Variants in SLC35F2 observed in about 807,000 individuals in gnomAD.
The protein encoded by SLC35F2 is solute carrier family 35 member F2.
In SLC35F2, 25 loss-of-function variants were observed where a neutral mutation model predicts 38.1. That is an observed-to-expected ratio of 0.66 (90% confidence interval 0.48 to 0.92). The LOEUF is 0.92. SLC35F2 is among the 40% of genes least tolerant of loss of function. The pLI is 0.00. For synonymous variants in SLC35F2, 173 were observed against 181.7 expected, an observed-to-expected ratio of 0.95 and a Z score of 0.38; for missense variants, 409 against 452.9, an observed-to-expected ratio of 0.90 and a Z score of 0.88.
At position 107,792,235 on chromosome 11, in the gene SLC35F2, C is replaced by T. The variant is rs535259223; in HGVS notation, c.*380G>A. 13 of 165,654 alleles carry T rather than the reference C, an allele frequency of 7.8e-5. No homozygotes were observed. In the East Asian group the frequency reaches 2.3e-3, roughly 29 times the overall value. The allele number at this position is 165,654 out of a possible 1,614,324, so 10.3% of individuals were successfully genotyped here. On this transcript the variant is annotated 3_prime_UTR_variant, in exon 8 of 8. Transcript: ENST00000525815. ...ACTCCAGAGCCACCGTGAGCTGCCC[C>T]TGTTCCTGACCACCAAGCCCAGCCT... is the stretch of plus-strand genomic sequence containing the variant.
At position 107,792,320 on chromosome 11, in the gene SLC35F2, C is replaced by G. The variant is rs914891373; in HGVS notation, c.*295G>C. 7.7e-6 allele frequency: 2 copies of G among 260,486 alleles called. No homozygotes were observed. The highest frequency in any genetic ancestry group is 1.1e-4 in the Admixed American group (2 of 17,630). The allele number at this position is 260,486 out of a possible 1,614,324, so 16.1% of individuals were successfully genotyped here. ...GCTCAGTCCTGGATCTCTCCCCAGT[C>G]CTGCTTTCCCACTGGTGCCTCTAAG... On this transcript the variant is annotated 3_prime_UTR_variant, in exon 8 of 8. Coordinates refer to ENST00000525815, the MANE Select transcript of SLC35F2 (RefSeq NM_017515.5).
chr11:107,804,064 C>A (rs1442024137), intron 6 of SLC35F2, among the ~76,000 whole-genome samples: 2 of 151,144 alleles, frequency 1.3e-5, no homozygotes, highest in African/African-American at 4.9e-5. Context: ...TCTCGAACTC[C>A]TGACCTCATG....
At chr11:107,820,830 C>A (rs1859657452) in intron 1 of SLC35F2, among the ~76,000 whole-genome samples, 1 of 152,146 alleles carries the variant, frequency 6.6e-6, no homozygotes, top group Admixed American at 6.5e-5. Context: ...GTGGCAGGCG[C>A]CTGTAATCCC....
chr11:107,802,051 C>T (rs1305013414), intron 7 of SLC35F2, among the ~76,000 whole-genome samples: 1 of 151,978 alleles, frequency 6.6e-6, no homozygotes, highest in African/African-American at 2.4e-5. Context: ...CCAGCCTGGC[C>T]AACATGGTGA....
At position 107,803,776 on chromosome 11, in the gene SLC35F2, A is replaced by AAC. The variant is rs71047623; in HGVS notation, c.785-623_785-622dup. On this transcript the variant is annotated intron_variant, in intron 6 of 7. Transcript: ENST00000525815. ...ACTTCTTTAATCTCATCCCATACTC[A>AAC]ACACACACACACACACACACACACT... 5.9e-3 allele frequency among the ~76,000 whole-genome samples: 889 copies of AAC among 149,578 alleles called. 9 individuals are homozygous for AAC. The highest frequency in any genetic ancestry group is 0.02 in the African/African-American group (788 of 40,356).
At chr11:107,812,133 T>C (rs1335289286) in intron 2 of SLC35F2, among the ~76,000 whole-genome samples, 1 of 152,138 alleles carries the variant, frequency 6.6e-6, no homozygotes, top group Non-Finnish European at 1.5e-5. Context: ...CTTGAACTCC[T>C]GAGCTCAAGT....
In SLC35F2 at chr11:107,821,373, G is replaced by C. The variant is rs371704708; in HGVS notation, c.111-5408C>G. 203 of 976,150 alleles carry C rather than the reference G, an allele frequency of 2.1e-4. 2 individuals carry two copies. The African/African-American group carries it at 3.3e-3, about 16-fold the overall frequency. The allele number at this position is 976,150 out of a possible 1,614,324, so 60.5% of individuals were successfully genotyped here. ...CACAAATTGAGTATGGAGATTTAAA[G>C]TTACAGGAATGCACTTCTCTTGGCT... On this transcript the variant is annotated intron_variant, in intron 1 of 7. Coordinates refer to ENST00000525815, the MANE Select transcript of SLC35F2 (RefSeq NM_017515.5).
chr11:107,834,416 T>C (rs1859898029), intron 1 of SLC35F2, among the ~76,000 whole-genome samples: 1 of 152,084 alleles, frequency 6.6e-6, no homozygotes. Context: ...TTTGGGAGGC[T>C]AAGGTGGGTG....
intron 1 of SLC35F2, among the ~76,000 whole-genome samples, chr11:107,851,696 C>G (rs1272151382): frequency 6.6e-6 from 1 of 151,920 alleles, no homozygotes; most frequent in African/African-American, 2.4e-5. Context: ...ATGTAACAAT[C>G]AGAATATACA....
At chr11:107,817,258 A>G (rs939413071) in intron 1 of SLC35F2, among the ~76,000 whole-genome samples, 1 of 152,046 alleles carries the variant, frequency 6.6e-6, no homozygotes, top group Admixed American at 6.6e-5. Flanking sequence ...CCTGGGTGAC[A>G]GAATGAGACG....
intron 7 of SLC35F2, 125 bp downstream of exon 7, chr11:107,802,876 G>C (rs1859333082): frequency 1.1e-6 from 1 of 923,260 alleles, no homozygotes; most frequent in Admixed American, 3.1e-5. Context: ...AGGGAGGCCT[G>C]ACCAATGAAA....
chr11:107,853,239 C>A (rs1202071193), intron 1 of SLC35F2, among the ~76,000 whole-genome samples: 2 of 152,210 alleles, frequency 1.3e-5, no homozygotes, highest in Non-Finnish European at 2.9e-5. Context: ...CCCTGGTAGA[C>A]TTGGTCTCTG....
At chr11:107,809,836 C>A (rs1380341485) in intron 3 of SLC35F2, 1 of 985,096 alleles carries the variant, frequency 1.0e-6, no homozygotes, top group East Asian at 1.1e-4. Flanking sequence ...TAACCTTTGA[C>A]AATGAGGGGA....
At chr11:107,811,014 A>G (rs1591190646) in intron 3 of SLC35F2, 1 of 985,172 alleles carries the variant, frequency 1.0e-6, no homozygotes, top group Non-Finnish European at 1.2e-6. Context: ...CTGGCATTTG[A>G]GTCTATCTCA....
chr11:107,804,266 C>A (rs1859361596), intron 6 of SLC35F2, among the ~76,000 whole-genome samples: 2 of 152,154 alleles, frequency 1.3e-5, no homozygotes, highest in Non-Finnish European at 2.9e-5. Flanking sequence ...ACTGTCCCAT[C>A]ACCATTTTCT....
chr11:107,811,641 A>G, intron 3 of SLC35F2, 26 bp downstream of exon 3: 3 of 1,575,184 alleles, frequency 1.9e-6, no homozygotes, highest in Non-Finnish European at 2.6e-6. Flanking sequence ...TATAAAATCC[A>G]AAGTGGTCAG....
Position 107,815,841 on chromosome 11 carries a change from T to C in SLC35F2, c.235A>G (p.Asn79Asp). ...VNTPMLQSFI[N>D]YCLLFLIYTV... ...TAAATTAGGAACAGCAAGCAATAAT[T>C]GATAAAGCTCTGAAGCATGGGGGTG... is the stretch of plus-strand genomic sequence containing the variant. Residue 79 changes from asparagine to aspartate, a missense_variant, in exon 2 of 8, where the codon AAT becomes GAT. Asn to Asp is a conservative substitution (Grantham distance 23). Transcript: ENST00000525815. 6.2e-7 allele frequency: 1 copy of C among 1,613,838 alleles called. No homozygotes were observed. The highest frequency in any genetic ancestry group is 8.5e-7 in the Non-Finnish European group (1 of 1,179,936).
At chr11:107,830,577 C>CA (rs1326644558) in intron 1 of SLC35F2, among the ~76,000 whole-genome samples, 1 of 110,852 alleles carries the variant, frequency 9.0e-6, no homozygotes, top group African/African-American at 3.8e-5. Context: ...GAGCAAGACT[C>CA]AGTCTCAAAA....
At chr11:107,825,917 GGA>G (rs770233720) in intron 1 of SLC35F2, among the ~76,000 whole-genome samples, 51 of 152,138 alleles carry the variant, frequency 3.4e-4, no homozygotes, top group Non-Finnish European at 6.6e-4. Context: ...TATTTCAGCG[GGA>G]GAGTTTGGGG....
Sources: gnomAD v4.1 joint callset for allele counts (sites outside exome capture counted in the v4.1 genomes callset) on GRCh38, gnomAD v4.1.1 for gene constraint, MANE v1.5 for transcripts, NCBI Gene and HGNC (gene_info 2026-07-23, HGNC 2026-07-21) for gene names.